Variants in AP3B1 observed in about 807,000 individuals in gnomAD.
AP3B1 encodes the protein adaptor related protein complex 3 subunit beta 1, also known as AP-3 complex subunit beta-1.
AP3B1 carries 61 observed loss-of-function variants against 132.5 expected under a neutral mutation model. The ratio of observed to expected loss-of-function variants is 0.46; its 90% CI spans 0.37 to 0.57. AP3B1 has a LOEUF of 0.57. AP3B1 is among the 20% of genes least tolerant of loss of function. The pLI is 0.00. For synonymous variants in AP3B1, 388 were observed against 438.3 expected (o/e 0.89, Z 1.43); for missense variants, 1,120 against 1,289.4 (o/e 0.87, Z 2.01).
chr5:78,116,378 T>G (rs1751828970), intron 17 of AP3B1, 144 bp from the exon 18 acceptor site: 3 of 691,744 alleles, frequency 4.3e-6, no homozygotes, highest in African/African-American at 3.6e-5. Context: ...AGTCCTGGCA[T>G]TAAGGCTGAT....
At chr5:78,167,787 G>A (rs1390345228) in intron 11 of AP3B1, among the ~76,000 whole-genome samples, 1 of 152,002 alleles carries the variant, frequency 6.6e-6, no homozygotes, top group Admixed American at 6.6e-5. Context: ...AACATCGTAT[G>A]TTCTCACTCA....
rs188354762 is a variant in AP3B1 at position 78,025,618 on chromosome 5, T to C, written c.2895-4829A>G. Among the ~76,000 whole-genome samples the C allele has an allele frequency of 2.6e-5, 4 of 152,314 alleles. No individual in the cohort carries two copies. The East Asian group carries it at 7.7e-4, about 29-fold the overall frequency. On this transcript the variant is annotated intron_variant, in intron 24 of 26. Coordinates refer to ENST00000255194, the MANE Select transcript of AP3B1 (RefSeq NM_003664.5). ...TCCTTTTTTCTGTCTGGAATGCAGA[T>C]GGAAGCCTGGAGGTGGAGCAGCCAT...
intron 3 of AP3B1, 62 bp from the exon 4 acceptor site, chr5:78,228,301 T>A: frequency 8.7e-7 from 1 of 1,152,266 alleles, no homozygotes; most frequent in Non-Finnish European, 1.3e-6. Context: ...GTATTTGCTA[T>A]ACCAAAATCC....
chr5:78,091,999 G>A (rs943104232), intron 21 of AP3B1, among the ~76,000 whole-genome samples: 1 of 152,174 alleles, frequency 6.6e-6, no homozygotes, highest in Non-Finnish European at 1.5e-5. Flanking sequence ...AAAAGTGAAT[G>A]GTAGAACCAC....
intron 12 of AP3B1, among the ~76,000 whole-genome samples, 182 bp downstream of exon 12, chr5:78,165,428 T>C (rs914531678): frequency 6.6e-6 from 1 of 152,182 alleles, no homozygotes; most frequent in Non-Finnish European, 1.5e-5. Flanking sequence ...GAATACTATG[T>C]TTTCCTTAAA....
rs766766083 is a variant in AP3B1, at chr5:78,043,292, C to G, written c.2578-4018G>C. 9.1e-4 allele frequency: 151 copies of G among 165,160 alleles called. 3 individuals are homozygous for G. Among genetic ancestry groups the G allele is most frequent in the Non-Finnish European group, 6.3e-4 (49 of 77,270 alleles). 10.2% of individuals were successfully genotyped at this position (165,160 alleles called of 1,614,324 possible). ...CCTAAGGTGCGCACCACCATGACCG[C>G]CTAATTTTTTGTATCTTTTAAAGAG... On this transcript the variant is annotated intron_variant, in intron 22 of 26. Coordinates refer to ENST00000255194, the MANE Select transcript of AP3B1 (RefSeq NM_003664.5).
intron 20 of AP3B1, among the ~76,000 whole-genome samples, chr5:78,107,975 T>C (rs1190650403): frequency 6.6e-6 from 1 of 152,244 alleles, no homozygotes; most frequent in Non-Finnish European, 1.5e-5. Context: ...GGTACTAGCA[T>C]GTCTGCTTTA....
At chr5:78,036,809 C>T (rs1403241921) in intron 23 of AP3B1, among the ~76,000 whole-genome samples, 2 of 152,158 alleles carry the variant, frequency 1.3e-5, no homozygotes, top group African/African-American at 4.8e-5. Flanking sequence ...GCTTACCTCC[C>T]TTATTTTACT....
intron 5 of AP3B1, among the ~76,000 whole-genome samples, chr5:78,225,956 G>T (rs536233900): frequency 6.6e-6 from 1 of 152,048 alleles, no homozygotes; most frequent in East Asian, 1.9e-4. Context: ...TAACTAGATA[G>T]CAGTCATTAT....
chr5:78,194,072 A>G (rs1172552187), intron 7 of AP3B1, among the ~76,000 whole-genome samples: 1 of 151,990 alleles, frequency 6.6e-6, no homozygotes, highest in Non-Finnish European at 1.5e-5. Context: ...TGGCCCAAAT[A>G]TATTTCTTAA....
At chr5:78,054,978 G>A (rs1215541640) in intron 22 of AP3B1, among the ~76,000 whole-genome samples, 1 of 149,968 alleles carries the variant, frequency 6.7e-6, no homozygotes, top group South Asian at 2.1e-4. Flanking sequence ...TGGGGAAATG[G>A]GTTCCCTGAG....
chr5:78,048,586 C>G (rs1171211348), intron 22 of AP3B1, among the ~76,000 whole-genome samples: 1 of 152,038 alleles, frequency 6.6e-6, no homozygotes, highest in African/African-American at 2.4e-5. Context: ...ATTTAAAACT[C>G]TAATTTTGTC....
Position 78,193,752 on chromosome 5 carries a change from A to ATC in AP3B1, c.787-12091_787-12090insGA, listed in dbSNP as rs1561469514. Among the ~76,000 whole-genome samples, 17 of 118,622 alleles carry ATC rather than the reference A, an allele frequency of 1.4e-4. No individual in the cohort carries two copies. The East Asian group carries it at 2.2e-3, about 15-fold the overall frequency. The allele number at this position is 118,622 out of a possible 152,430, so 77.8% of individuals were successfully genotyped here. On this transcript the variant is annotated intron_variant, in intron 7 of 26. Transcript: ENST00000255194. Reference sequence around the variant, plus strand: ...TATTTGTATATATTTTTTTATATATATATATATATATATATATATTTTTTT... The same window carrying ATC: ...TATTTGTATATATTTTTTTATATATATCTATATATATATATATATATTTTTTT...
rs868163447 is a variant in AP3B1 at position 78,096,763 on chromosome 5, C to G, written c.2470+4190G>C. Among the ~76,000 whole-genome samples the G allele has an allele frequency of 3.4e-5, 5 of 149,074 alleles. 1 individual carries two copies. The South Asian group carries it at 1.1e-3, about 32-fold the overall frequency. On this transcript the variant is annotated intron_variant, in intron 21 of 26. Transcript: ENST00000255194. ...CTGCCCCGTCTGAGAAGTGAGGAGC[C>G]CCTCCGCCCGGCAGCCGCCCCGTCT...
chr5:78,132,552 CAT>C (rs1475164758), intron 15 of AP3B1, among the ~76,000 whole-genome samples: 1 of 152,080 alleles, frequency 6.6e-6, no homozygotes, highest in Non-Finnish European at 1.5e-5. Context: ...CATAAGAAAA[CAT>C]AGAATAAAAG....
chr5:78,200,008 G>T (rs1745226415), intron 7 of AP3B1, among the ~76,000 whole-genome samples: 1 of 152,094 alleles, frequency 6.6e-6, no homozygotes, highest in African/African-American at 2.4e-5. Flanking sequence ...TTTAAAATAT[G>T]AAGATAACCA....
At chr5:78,109,544 G>A (rs1226110450) in intron 20 of AP3B1, among the ~76,000 whole-genome samples, 2 of 152,240 alleles carry the variant, frequency 1.3e-5, no homozygotes, top group East Asian at 3.9e-4. Flanking sequence ...GTTATAGGAA[G>A]GGGGTGATTA....
intron 26 of AP3B1, chr5:78,003,397 C>G: frequency 2.6e-6 from 1 of 381,332 alleles, no homozygotes; most frequent in African/African-American, 2.2e-5. Context: ...TTTCACCATG[C>G]ATAGGGACAT....
intron 22 of AP3B1, among the ~76,000 whole-genome samples, chr5:78,084,608 A>C (rs1182301617): frequency 1.3e-5 from 2 of 151,654 alleles, no homozygotes; most frequent in African/African-American, 4.8e-5. Context: ...AACAAATAAA[A>C]AGGAATCCTC....
Sources: allele counts gnomAD v4.1 joint callset (sites outside exome capture counted in the v4.1 genomes callset), GRCh38; gene constraint gnomAD v4.1.1; transcripts MANE v1.5; gene names NCBI Gene and HGNC (gene_info 2026-07-23, HGNC 2026-07-21).